DAB1: variants seen among roughly 807,000 people sequenced by gnomAD.
DAB1 encodes the protein DAB adaptor protein 1.
A neutral mutation model predicts 64.6 loss-of-function variants in DAB1; 15 were observed. The observed-to-expected ratio is 0.23, with a 90% CI of 0.16 to 0.36. The LOEUF (loss-of-function observed/expected upper bound fraction) is 0.36, where lower values mean the gene tolerates loss of function less well. Among genes scored for constraint, DAB1 ranks in the 10% least tolerant of loss-of-function variants. DAB1 has a pLI of 1.00. For missense variants in DAB1, 596 were observed against 706.7 expected (o/e 0.84, Z 1.78); for synonymous variants, 235 against 251.9 (o/e 0.93, Z 0.64).
At chr1:58,376,178 T>G (rs1048105989) in intron 3 of DAB1, among the ~76,000 whole-genome samples, 5 of 151,132 alleles carry the variant, frequency 3.3e-5, no homozygotes, top group African/African-American at 9.8e-5. Flanking sequence ...CTCTATTTCC[T>G]TCAGTTCTGC....
At chr1:58,028,643 CAT>C (rs1318619778) in intron 5 of DAB1, among the ~76,000 whole-genome samples, 4 of 152,316 alleles carry the variant, frequency 2.6e-5, no homozygotes, top group Admixed American at 2.0e-4. Flanking sequence ...TGAGAACACA[CAT>C]GTCAGGTGAC....
intron 7 of DAB1, among the ~76,000 whole-genome samples, chr1:57,530,255 C>G (rs1201280479): frequency 6.6e-6 from 1 of 152,166 alleles, no homozygotes; most frequent in African/African-American, 2.4e-5. Flanking sequence ...CTCTCTTGGT[C>G]TCAGCTTTGT....
At chr1:58,256,364 A>G (rs1422811525) in intron 4 of DAB1, among the ~76,000 whole-genome samples, 1 of 152,164 alleles carries the variant, frequency 6.6e-6, no homozygotes, top group Non-Finnish European at 1.5e-5. Context: ...CTTGTGTGCC[A>G]TCTACCCATT....
chr1:57,985,863 G>A (rs1008808752), intron 5 of DAB1, among the ~76,000 whole-genome samples: 3 of 152,126 alleles, frequency 2.0e-5, no homozygotes, highest in African/African-American at 7.2e-5. Context: ...GAAAGGGTGT[G>A]AACAACCTAA....
chr1:58,445,375 T>A (rs879333416), intron 3 of DAB1, among the ~76,000 whole-genome samples: 16 of 152,218 alleles, frequency 1.1e-4, no homozygotes, highest in African/African-American at 3.9e-4. Flanking sequence ...CAGAAGATCA[T>A]GAGACTCGCC....
intron 7 of DAB1, among the ~76,000 whole-genome samples, chr1:57,602,026 G>A (rs574389327): frequency 5.3e-5 from 8 of 152,234 alleles, no homozygotes; most frequent in Admixed American, 1.3e-4. Flanking sequence ...TAGAAGTCTC[G>A]TATAGCTTTA....
intron 4 of DAB1, among the ~76,000 whole-genome samples, chr1:58,323,098 G>A (rs1662729023): frequency 6.6e-6 from 1 of 151,714 alleles, no homozygotes. Flanking sequence ...TGTGGGGTGG[G>A]GGGCAGGGGG....
intron 4 of DAB1, among the ~76,000 whole-genome samples, chr1:57,096,985 T>C (rs1035132287): frequency 1.3e-5 from 2 of 152,292 alleles, no homozygotes; most frequent in East Asian, 1.9e-4. Context: ...ATTTTTCTTG[T>C]CTGTTTCTCC....
chr1:57,278,084 G>A (rs1254478609), intron 2 of DAB1, among the ~76,000 whole-genome samples: 3 of 152,250 alleles, frequency 2.0e-5, no homozygotes, highest in Non-Finnish European at 4.4e-5. Context: ...CCCCTAGGAA[G>A]TGAGCTTTCA....
intron 14 of DAB1, among the ~76,000 whole-genome samples, chr1:57,009,389 T>C (rs537911538): frequency 6.6e-6 from 1 of 152,358 alleles, no homozygotes; most frequent in South Asian, 2.1e-4. Context: ...GACATATTAT[T>C]ATGTGCTATT....
intron 7 of DAB1, among the ~76,000 whole-genome samples, chr1:57,518,223 C>T (rs1644485479): frequency 2.0e-5 from 3 of 152,174 alleles, no homozygotes; most frequent in Admixed American, 6.5e-5. Context: ...TCACCTTTAG[C>T]CTTTACTGAT....
intron 4 of DAB1, among the ~76,000 whole-genome samples, chr1:58,243,062 T>C (rs1004064292): frequency 6.6e-6 from 1 of 152,086 alleles, no homozygotes; most frequent in African/African-American, 2.4e-5. Flanking sequence ...AATTGACAAA[T>C]ATTTTGAGTT....
rs78861945 is a variant in DAB1, at chr1:58,405,638, A to T, written n.258-62235T>A. 6.3e-3 allele frequency among the ~76,000 whole-genome samples: 965 copies of T among 152,252 alleles called. 12 individuals are homozygous for T. The highest frequency in any genetic ancestry group is 0.022 in the African/African-American group (923 of 41,550). On this transcript the variant is annotated intron_variant and non_coding_transcript_variant, in intron 3 of 20. Transcript: ENST00000485760. ...GCCTCCCAAAGTGCTAGGATGTTTAATTGTTTATTTTAAGGCCACCTTTTT... is the reference window on the plus strand; with the variant it reads ...GCCTCCCAAAGTGCTAGGATGTTTATTTGTTTATTTTAAGGCCACCTTTTT...
chr1:57,109,727 T>C (rs556329), intron 4 of DAB1, among the ~76,000 whole-genome samples: 122,411 of 152,126 alleles, frequency 0.8, 49,439 homozygotes, highest in East Asian at 0.98. Flanking sequence ...GAGGGAGGCA[T>C]TATTATTTTT....
chr1:58,484,004 C>G (rs986445428), intron 3 of DAB1, among the ~76,000 whole-genome samples: 1 of 152,140 alleles, frequency 6.6e-6, no homozygotes, highest in Non-Finnish European at 1.5e-5. Context: ...AGATGCAAAG[C>G]AACAAAGAGA....
intron 1 of DAB1, among the ~76,000 whole-genome samples, chr1:57,377,640 T>C (rs1311651448): frequency 6.6e-6 from 1 of 152,196 alleles, no homozygotes; most frequent in Non-Finnish European, 1.5e-5. Flanking sequence ...TCTTACTACC[T>C]GAAAGGCTCA....
chr1:57,166,822 T>C (rs1661250303), intron 2 of DAB1, among the ~76,000 whole-genome samples: 1 of 152,134 alleles, frequency 6.6e-6, no homozygotes, highest in Admixed American at 6.5e-5. Flanking sequence ...ATGGTGCCCA[T>C]GAGCAGAAAA....
At chr1:57,147,725 A>G (rs1659283042) in intron 2 of DAB1, among the ~76,000 whole-genome samples, 1 of 152,198 alleles carries the variant, frequency 6.6e-6, no homozygotes, top group South Asian at 2.1e-4. Flanking sequence ...CCAAACTTTA[A>G]TTATAATCAC....
intron 4 of DAB1, among the ~76,000 whole-genome samples, chr1:58,156,732 G>A (rs1226470369): frequency 5.9e-5 from 9 of 152,140 alleles, no homozygotes; most frequent in East Asian, 5.8e-4. Flanking sequence ...TGCAAAGTGC[G>A]GAGGAAAGGA....
Sources: gnomAD v4.1 joint callset for allele counts (sites outside exome capture counted in the v4.1 genomes callset) on GRCh38, gnomAD v4.1.1 for gene constraint, MANE v1.5 for transcripts, NCBI Gene and HGNC (gene_info 2026-07-23, HGNC 2026-07-21) for gene names.